NFAT5: variants seen among roughly 807,000 people sequenced by gnomAD.
The protein encoded by NFAT5 is nuclear factor of activated T-cells 5.
In NFAT5, 31 loss-of-function variants were observed where a neutral mutation model predicts 166.5. The observed-to-expected ratio is 0.19, with a 90% CI of 0.14 to 0.25. The LOEUF (loss-of-function observed/expected upper bound fraction) is 0.25. Among genes scored for constraint, NFAT5 ranks in the 10% least tolerant of loss-of-function variants. The pLI is 1.00. For missense variants in NFAT5, 1,449 were observed against 1,821.8 expected (o/e 0.80, Z 3.72); for synonymous variants, 612 against 639.7 (o/e 0.96, Z 0.65).
chr16:69,650,814 T>C (rs543023640), intron 4 of NFAT5, among the ~76,000 whole-genome samples: 1 of 152,340 alleles, frequency 6.6e-6, no homozygotes, highest in Non-Finnish European at 1.5e-5. Flanking sequence ...TTTGTATGTA[T>C]ATTTGGGGGA....
chr16:69,596,574 C>T (rs905275105), intron 2 of NFAT5, among the ~76,000 whole-genome samples: 2 of 151,914 alleles, frequency 1.3e-5, no homozygotes, highest in South Asian at 2.1e-4. Flanking sequence ...AAAAATTAGC[C>T]GGGCGTGGTG....
intron 2 of NFAT5, among the ~76,000 whole-genome samples, chr16:69,608,066 C>T (rs186630447): frequency 2.0e-5 from 3 of 152,176 alleles, no homozygotes; most frequent in Non-Finnish European, 4.4e-5. Flanking sequence ...AGAAAAACTA[C>T]TTTATTGGCC....
rs7190054 is a variant in NFAT5 at position 69,669,960 on chromosome 16, C to A, written c.1370-17C>A. 5,083 of 1,555,102 alleles carry A rather than the reference C, an allele frequency of 3.3e-3. 169 individuals are homozygous for A. The African/African-American group carries it at 0.064, about 19-fold the overall frequency. On this transcript the variant is annotated splice_polypyrimidine_tract_variant and intron_variant, in intron 7 of 14. Coordinates refer to ENST00000349945, the MANE Select transcript of NFAT5 (RefSeq NM_138713.4). Reference sequence around the variant, plus strand: ...TTTTGGTGGTTCTTCTTATAGAATGCTTATGTATCTCCACAGCTCAGCCAG... The same window carrying A: ...TTTTGGTGGTTCTTCTTATAGAATGATTATGTATCTCCACAGCTCAGCCAG...
At chr16:69,646,874 T>C (rs1335940243) in intron 3 of NFAT5, among the ~76,000 whole-genome samples, 154 bp from the exon 4 acceptor site, 3 of 152,244 alleles carry the variant, frequency 2.0e-5, no homozygotes, top group Non-Finnish European at 4.4e-5. Flanking sequence ...GGCCTTATAT[T>C]GCTTGAAGCA....
chr16:69,677,739 T>A (rs1287502316), intron 10 of NFAT5, among the ~76,000 whole-genome samples: 2 of 152,178 alleles, frequency 1.3e-5, no homozygotes, highest in East Asian at 1.9e-4. Context: ...AGAGATAAAC[T>A]AGAGTGACAG....
intron 3 of NFAT5, chr16:69,644,700 C>T: frequency 3.3e-6 from 1 of 306,564 alleles, no homozygotes; most frequent in Admixed American, 4.6e-5. Context: ...GAGAACAAGA[C>T]AAGGTTATAT....
intron 2 of NFAT5, among the ~76,000 whole-genome samples, chr16:69,622,369 C>T (rs1225067079): frequency 6.6e-6 from 1 of 152,184 alleles, no homozygotes; most frequent in African/African-American, 2.4e-5. Flanking sequence ...GGCAGGCTGA[C>T]TTCTTTTATT....
intron 2 of NFAT5, among the ~76,000 whole-genome samples, chr16:69,602,758 C>A (rs937210201): frequency 3.3e-5 from 5 of 151,644 alleles, no homozygotes; most frequent in Middle Eastern, 3.4e-3. Flanking sequence ...GCGTGCAACA[C>A]CATGCTCAGC....
chr16:69,617,876 G>A (rs1190726035), intron 2 of NFAT5, among the ~76,000 whole-genome samples: 1 of 152,104 alleles, frequency 6.6e-6, no homozygotes, highest in Non-Finnish European at 1.5e-5. Flanking sequence ...TCTGTGGAAG[G>A]CCGGGCACGG....
rs558597532 is a variant in NFAT5, at chr16:69,631,282, T to A, written c.253+4754T>A. Among the ~76,000 whole-genome samples, 36 of 152,086 alleles carry A rather than the reference T, an allele frequency of 2.4e-4. No individual in the cohort carries two copies. In the South Asian group the frequency reaches 6.0e-3, roughly 25 times the overall value. Reference sequence around the variant, plus strand: ...CCCGTCTCTACTAAAAATACAAAAATTAGCTGGGCATGGTGGCAGGCTTCT... The same window carrying A: ...CCCGTCTCTACTAAAAATACAAAAAATAGCTGGGCATGGTGGCAGGCTTCT... On this transcript the variant is annotated intron_variant, in intron 3 of 14. Coordinates refer to ENST00000349945, the MANE Select transcript of NFAT5 (RefSeq NM_138713.4).
chr16:69,566,463 C>A lies in NFAT5; in HGVS notation c.73+89C>A, dbSNP rs976955899. On this transcript the variant is annotated intron_variant, in intron 1 of 14. Transcript: ENST00000349945. The surrounding 1 kb of genome is among the most constrained non-coding windows in gnomAD (Gnocchi z 5.7). ...CAGGGGAGGCGAGGGGTCCCCGTCC[C>A]GCCGGGGGCGGCTGAGCCGCGACCC... 2.6e-6 allele frequency: 3 copies of A among 1,166,900 alleles called. No homozygotes were observed. In the African/African-American group the frequency reaches 4.6e-5, roughly 18 times the overall value. The allele number at this position is 1,166,900 out of a possible 1,614,324, so 72.3% of individuals were successfully genotyped here.
At chr16:69,695,457 A>G in intron 14 of NFAT5, 78 bp downstream of exon 14, 1 of 964,890 alleles carries the variant, frequency 1.0e-6, no homozygotes, top group East Asian at 2.4e-5. Flanking sequence ...AAGTAATAGT[A>G]GTTCTAATCT....
In NFAT5 at chr16:69,700,509, A is replaced by C. The variant is rs2037879734; in HGVS notation, c.*4158A>C. 1 of 152,256 alleles carries C rather than the reference A, an allele frequency of 6.6e-6. No homozygotes were observed. The allele number at this position is 152,256 out of a possible 1,614,324, so 9.4% of individuals were successfully genotyped here. On this transcript the variant is annotated 3_prime_UTR_variant, in exon 15 of 15. Transcript: ENST00000349945. ...AATAATGACCAGGACAAAACGATTT[A>C]ATAATTAAAGTCTCAAATCACCATG...
intron 11 of NFAT5, among the ~76,000 whole-genome samples, chr16:69,689,974 T>G (rs1172775079): frequency 6.6e-6 from 1 of 152,226 alleles, no homozygotes; most frequent in Admixed American, 6.5e-5. Context: ...TTAAGAAATT[T>G]AACAGCTATG....
intron 2 of NFAT5, among the ~76,000 whole-genome samples, chr16:69,597,645 G>C (rs911163100): frequency 1.3e-5 from 2 of 150,980 alleles, no homozygotes; most frequent in Non-Finnish European, 2.9e-5. Flanking sequence ...AGGCTGGAGT[G>C]CAGTGGCGCG....
At chr16:69,595,685 A>G (rs79037747) in intron 2 of NFAT5, among the ~76,000 whole-genome samples, 6,007 of 152,188 alleles carry the variant, frequency 0.039, 155 homozygotes, top group Non-Finnish European at 0.055. Flanking sequence ...TCAGCATACG[A>G]TTTTTTCTTT....
intron 2 of NFAT5, among the ~76,000 whole-genome samples, chr16:69,605,958 C>T (rs1321553397): frequency 5.3e-5 from 8 of 152,172 alleles, no homozygotes; most frequent in Admixed American, 4.6e-4. Context: ...CATGATCCAC[C>T]CGCCTCGGCC....
At chr16:69,650,043 A>G (rs2035601775) in intron 4 of NFAT5, among the ~76,000 whole-genome samples, 1 of 152,068 alleles carries the variant, frequency 6.6e-6, no homozygotes, top group South Asian at 2.1e-4. Context: ...CCTGAGAATC[A>G]GTTGCCCCAT....
chr16:69,631,434 GAAACA>G (rs897423119), intron 3 of NFAT5, among the ~76,000 whole-genome samples: 4 of 151,646 alleles, frequency 2.6e-5, no homozygotes, highest in African/African-American at 4.8e-5. Context: ...CCATCTCAAA[GAAACA>G]AAACAAAACA....
Sources: allele counts gnomAD v4.1 joint callset (sites outside exome capture counted in the v4.1 genomes callset), GRCh38; gene constraint gnomAD v4.1.1; non-coding constraint Gnocchi (gnomAD v3.1); transcripts MANE v1.5; gene names NCBI Gene and HGNC (gene_info 2026-07-23, HGNC 2026-07-21).